The following HSD17B12 variants were observed in gnomAD, a reference collection of about 807,000 sequenced individuals.
HSD17B12 encodes hydroxysteroid 17-beta dehydrogenase 12, also known as very-long-chain 3-oxoacyl-CoA reductase.
HSD17B12 carries 32 observed loss-of-function variants against 39.3 expected under a neutral mutation model. That is an observed-to-expected ratio of 0.81 (90% CI 0.61 to 1.09). HSD17B12 has a LOEUF of 1.09. Ranked by LOEUF, HSD17B12 falls within the 50% of genes least tolerant of loss-of-function variation. The pLI is 0.00. For missense variants in HSD17B12, 342 were observed against 382.9 expected, an observed-to-expected ratio of 0.89 and a Z score of 0.89; for synonymous variants, 150 against 146.7, an observed-to-expected ratio of 1.02 and a Z score of -0.16.
At chr11:43,789,788 T>A (rs1345544295) in intron 3 of HSD17B12, among the ~76,000 whole-genome samples, 1 of 152,042 alleles carries the variant, frequency 6.6e-6, no homozygotes, top group African/African-American at 2.4e-5. Context: ...CAAAATTAGA[T>A]GGGCATGGTG....
the HSD17B12 span, chr11:43,576,676 A>G: frequency 6.6e-6 from 1 of 152,274 alleles, no homozygotes; most frequent in African/African-American, 2.4e-5. Flanking sequence ...TACTTTGTGC[A>G]TGCTCCGGGG....
chr11:43,619,168 T>G, the HSD17B12 span, among the ~76,000 whole-genome samples: 1 of 117,066 alleles, frequency 8.5e-6, no homozygotes, highest in Non-Finnish European at 1.7e-5. Flanking sequence ...ATATATGATA[T>G]ATATATATAT....
intron 4 of HSD17B12, among the ~76,000 whole-genome samples, chr11:43,810,395 A>ATATATG (rs1372793699): frequency 1.3e-5 from 1 of 77,150 alleles, no homozygotes; most frequent in Non-Finnish European, 2.6e-5. Flanking sequence ...ATATATATAT[A>ATATATG]TATATATAAA....
the HSD17B12 span, among the ~76,000 whole-genome samples, chr11:43,589,347 C>G: frequency 6.6e-6 from 1 of 152,164 alleles, no homozygotes; most frequent in African/African-American, 2.4e-5. Context: ...TGGCTGCAAA[C>G]TGCAGGGCTG....
intron 1 of HSD17B12, among the ~76,000 whole-genome samples, chr11:43,735,701 T>C (rs2134899659): frequency 6.6e-6 from 1 of 152,306 alleles, no homozygotes; most frequent in East Asian, 1.9e-4. Context: ...TGTGGGTTGT[T>C]GTATTAGTAT....
At chr11:43,731,598 T>G (rs962211466) in intron 1 of HSD17B12, among the ~76,000 whole-genome samples, 3 of 152,210 alleles carry the variant, frequency 2.0e-5, no homozygotes, top group African/African-American at 7.2e-5. Flanking sequence ...GGTCATAAAT[T>G]TCGAAAGGAG....
At chr11:43,669,486 G>C in the HSD17B12 span, among the ~76,000 whole-genome samples, 1 of 147,738 alleles carries the variant, frequency 6.8e-6, no homozygotes, top group African/African-American at 2.5e-5. Flanking sequence ...GGGCAACAAA[G>C]TTAGACTCTG....
At chr11:43,574,945 G>A in the HSD17B12 span, among the ~76,000 whole-genome samples, 1 of 152,156 alleles carries the variant, frequency 6.6e-6, no homozygotes, top group African/African-American at 2.4e-5. Flanking sequence ...ATAGAGGTGA[G>A]TTTCCTCTTC....
At chr11:43,649,530 A>G in the HSD17B12 span, among the ~76,000 whole-genome samples, 1 of 152,214 alleles carries the variant, frequency 6.6e-6, no homozygotes, top group Non-Finnish European at 1.5e-5. Flanking sequence ...TCAATAGAAA[A>G]AAATGGAAGG....
intron 1 of HSD17B12, among the ~76,000 whole-genome samples, chr11:43,685,551 A>G (rs1198427800): frequency 6.6e-6 from 1 of 152,224 alleles, no homozygotes; most frequent in Non-Finnish European, 1.5e-5. Flanking sequence ...CAGGAACTTG[A>G]GATTATTTTT....
At chr11:43,672,594 T>C in the HSD17B12 span, among the ~76,000 whole-genome samples, 2 of 152,046 alleles carry the variant, frequency 1.3e-5, no homozygotes, top group Non-Finnish European at 2.9e-5. Context: ...GTTGCCCAGG[T>C]TAGAGTGCAG....
At chr11:43,830,367 C>T (rs541439567) in intron 6 of HSD17B12, 5 of 152,228 alleles carry the variant, frequency 3.3e-5, no homozygotes, top group Admixed American at 6.5e-5. Flanking sequence ...TGTATTTAGT[C>T]AACAATTATG....
chr11:43,810,331 A>G (rs1406514532), intron 4 of HSD17B12, among the ~76,000 whole-genome samples: 1 of 148,520 alleles, frequency 6.7e-6, no homozygotes, highest in African/African-American at 2.5e-5. Flanking sequence ...AGAGCATAAA[A>G]TTTGGAAATG....
intron 3 of HSD17B12, chr11:43,755,034 A>G (rs1411167679): frequency 1.9e-6 from 1 of 533,932 alleles, no homozygotes; most frequent in Non-Finnish European, 3.3e-6. Flanking sequence ...GCTTCTGTGT[A>G]TAATGCTTAT....
intron 1 of HSD17B12, among the ~76,000 whole-genome samples, chr11:43,703,664 G>T (rs1244228319): frequency 6.6e-6 from 1 of 152,054 alleles, no homozygotes. Flanking sequence ...ATGTGTCTAG[G>T]AATTTGTCCA....
intron 1 of HSD17B12, among the ~76,000 whole-genome samples, chr11:43,688,713 A>G (rs1332396623): frequency 6.6e-6 from 1 of 152,240 alleles, no homozygotes; most frequent in African/African-American, 2.4e-5. Flanking sequence ...GGGAAACAGT[A>G]TAGCTAACAA....
the HSD17B12 span, among the ~76,000 whole-genome samples, chr11:43,615,547 A>G: frequency 6.6e-6 from 1 of 152,150 alleles, no homozygotes; most frequent in African/African-American, 2.4e-5. Flanking sequence ...CTGAGAGATC[A>G]TTGTCCTCTG....
intron 1 of HSD17B12, among the ~76,000 whole-genome samples, chr11:43,712,938 G>A (rs567885603): frequency 1.1e-4 from 17 of 152,188 alleles, no homozygotes; most frequent in African/African-American, 2.7e-4. Flanking sequence ...CATACTACCC[G>A]TTTGTTTAAC....
chr11:43,579,947 A>T, the HSD17B12 span, among the ~76,000 whole-genome samples: 3 of 152,058 alleles, frequency 2.0e-5, no homozygotes, highest in African/African-American at 7.2e-5. Context: ...TTTCCCCCCA[A>T]GTTCTTGCAA....
Sources: allele counts gnomAD v4.1 joint callset (sites outside exome capture counted in the v4.1 genomes callset), GRCh38; gene constraint gnomAD v4.1.1; transcripts MANE v1.5; gene names NCBI Gene and HGNC (gene_info 2026-07-23, HGNC 2026-07-21).